Variants in STK17B observed in about 807,000 individuals in gnomAD.
STK17B encodes the protein serine/threonine kinase 17b.
Under a neutral mutation model 42.0 loss-of-function variants are expected in STK17B, and 21 were observed. The ratio of observed to expected loss-of-function variants is 0.50; its 90% CI spans 0.35 to 0.72. STK17B has a LOEUF of 0.72. STK17B is among the 30% of genes least tolerant of loss of function. STK17B has a pLI of 0.00. For synonymous variants in STK17B, 143 were observed against 148.4 expected, an observed-to-expected ratio of 0.96 and a Z score of 0.26; for missense variants, 349 against 446.0, an observed-to-expected ratio of 0.78 and a Z score of 1.96.
chr2:196,164,493 T>C (rs1456328581), intron 1 of STK17B, among the ~76,000 whole-genome samples: 1 of 152,220 alleles, frequency 6.6e-6, no homozygotes, highest in Non-Finnish European at 1.5e-5. Context: ...CAATAACAGA[T>C]ACTATATTTC....
chr2:196,169,320 CT>C (rs1699909389), intron 1 of STK17B, among the ~76,000 whole-genome samples: 1 of 152,122 alleles, frequency 6.6e-6, no homozygotes. Flanking sequence ...CCGCCTCGGC[CT>C]CCCAAAGTGC....
At chr2:196,145,223 T>C (rs1318083799) in intron 4 of STK17B, among the ~76,000 whole-genome samples, 1 of 151,746 alleles carries the variant, frequency 6.6e-6, no homozygotes, top group Admixed American at 6.6e-5. Context: ...AGGCCTGGGC[T>C]GTAGGTGGAG....
chr2:196,173,978 C>T (rs1424630482), upstream of STK17B, among the ~76,000 whole-genome samples: 2 of 152,078 alleles, frequency 1.3e-5, no homozygotes, highest in African/African-American at 2.4e-5. Flanking sequence ...AATTAGGACA[C>T]ATACAACACT....
At chr2:196,140,765 A>G (rs1308717962) in intron 6 of STK17B, among the ~76,000 whole-genome samples, 2 of 151,972 alleles carry the variant, frequency 1.3e-5, no homozygotes, top group Non-Finnish European at 2.9e-5. Flanking sequence ...GGGTTCTGCT[A>G]TGTTGGCCAG....
rs1190578299 is a variant in STK17B at position 196,137,185 on chromosome 2, TTTCA to T, written c.*258_*261del. ...GGTAAGTTCATTTGAAGTTGAATTATTTCATTAACATGTAAACTCACATGTACAA... is the reference window on the plus strand; with the variant it reads ...GGTAAGTTCATTTGAAGTTGAATTATTTAACATGTAAACTCACATGTACAA... On this transcript the variant is annotated 3_prime_UTR_variant, in exon 8 of 8. Transcript: ENST00000263955. 2.6e-6 allele frequency: 1 copy of T among 381,108 alleles called. No individual in the cohort carries two copies. Among genetic ancestry groups the T allele is most frequent in the Non-Finnish European group, 4.7e-6 (1 of 213,972 alleles). The allele number at this position is 381,108 out of a possible 1,614,324, so 23.6% of individuals were successfully genotyped here.
rs995003308 is a variant in STK17B, at chr2:196,135,396, C to G, written c.*2051G>C. 1 of 152,142 alleles carries G rather than the reference C, an allele frequency of 6.6e-6. No homozygotes were observed. Among genetic ancestry groups the G allele is most frequent in the Non-Finnish European group, 1.5e-5 (1 of 68,026 alleles). The allele number at this position is 152,142 out of a possible 1,614,324, so 9.4% of individuals were successfully genotyped here. ...TACAACGTCTAGTTTATTGGACCAA[C>G]AAACTACTTAAAGAATTTAAATGTC... On this transcript the variant is annotated 3_prime_UTR_variant, in exon 8 of 8. Coordinates refer to ENST00000263955, the MANE Select transcript of STK17B (RefSeq NM_004226.4).
At chr2:196,166,487 TAAA>T (rs34874858) in intron 1 of STK17B, among the ~76,000 whole-genome samples, 1 of 152,086 alleles carries the variant, frequency 6.6e-6, no homozygotes, top group Non-Finnish European at 1.5e-5. Context: ...TTATAGCATT[TAAA>T]AAAAATCTTA....
intron 7 of STK17B, among the ~76,000 whole-genome samples, 172 bp downstream of exon 7, chr2:196,139,448 T>C (rs1348940385): frequency 6.6e-6 from 1 of 152,226 alleles, no homozygotes. Context: ...TCTGAAGTTA[T>C]GTATTTGTTA....
intron 3 of STK17B, among the ~76,000 whole-genome samples, chr2:196,155,645 G>C (rs1299392097): frequency 2.0e-5 from 3 of 152,054 alleles, no homozygotes; most frequent in Non-Finnish European, 4.4e-5. Context: ...TGGCACCCAA[G>C]GTATACTAAA....
intron 5 of STK17B, among the ~76,000 whole-genome samples, chr2:196,143,245 T>C (rs963258344): frequency 6.6e-6 from 1 of 151,296 alleles, no homozygotes; most frequent in Admixed American, 6.6e-5. Context: ...AGTTTTTCTT[T>C]TTCCATTTTT....
upstream of STK17B, among the ~76,000 whole-genome samples, chr2:196,172,267 GA>G (rs1186700514): frequency 2.4e-5 from 2 of 84,602 alleles, no homozygotes; most frequent in African/African-American, 1.1e-4. Flanking sequence ...TAAGGAAAAA[GA>G]TGAAAGCCCT....
chr2:196,161,300 A>G (rs548252537), intron 2 of STK17B, among the ~76,000 whole-genome samples: 11,028 of 148,638 alleles, frequency 0.074, 744 homozygotes, highest in African/African-American at 0.19. Context: ...AGAAAAAAAG[A>G]AAAAAAAAAC....
intron 2 of STK17B, among the ~76,000 whole-genome samples, chr2:196,161,511 CTTTT>C (rs71009086): frequency 5.8e-5 from 4 of 69,522 alleles, no homozygotes; most frequent in African/African-American, 1.8e-4. Flanking sequence ...TATTATAATT[CTTTT>C]TTTTTTTTTT....
chr2:196,134,767 T>C lies in STK17B; in HGVS notation c.*2680A>G, dbSNP rs548276216. ...AATTTAACTTTAAATTATCACAACA[T>C]AACACTTATCTTCTCATGTGTTCAA... On this transcript the variant is annotated 3_prime_UTR_variant, in exon 8 of 8. Coordinates refer to ENST00000263955, the MANE Select transcript of STK17B (RefSeq NM_004226.4). 1 of 152,356 alleles carries C rather than the reference T, an allele frequency of 6.6e-6. No homozygotes were observed. Among genetic ancestry groups the C allele is most frequent in the African/African-American group, 2.4e-5 (1 of 41,590 alleles). 9.4% of individuals were successfully genotyped at this position (152,356 alleles called of 1,614,324 possible). A position where few individuals can be genotyped will look rare whatever the true frequency, so the allele number is the denominator to read the frequency against.
intron 3 of STK17B, among the ~76,000 whole-genome samples, chr2:196,149,110 T>C (rs914442125): frequency 6.6e-6 from 1 of 151,908 alleles, no homozygotes; most frequent in Non-Finnish European, 1.5e-5. Context: ...ATCGTTTCAA[T>C]AAATACTTAT....
rs1392337811 is a variant in STK17B at position 196,137,694 on chromosome 2, G to A, written c.872C>T (p.Ser291Phe). 28 of 1,613,870 alleles carry A rather than the reference G, an allele frequency of 1.7e-5. No individual in the cohort carries two copies. The Admixed American group carries it at 4.5e-4, about 26-fold the overall frequency. The change falls in exon 8 of 8, where the codon TCT becomes TTT. Residue 291 changes from serine to phenylalanine, a missense_variant. Coordinates refer to ENST00000263955, the MANE Select transcript of STK17B (RefSeq NM_004226.4). ...TTCAAAGTCCCACTGCTGTAGCCAA[G>A]AATGAGAAAGGCATATCTCTGCTGT... ...RPTAEICLSH[S>F]WLQQWDFENL...
At chr2:196,170,118 T>C (rs1039480463) in intron 1 of STK17B, among the ~76,000 whole-genome samples, 2 of 152,208 alleles carry the variant, frequency 1.3e-5, no homozygotes, top group African/African-American at 4.8e-5. Flanking sequence ...TAAGCACTTG[T>C]TGAAAATTAC....
intron 2 of STK17B, among the ~76,000 whole-genome samples, chr2:196,162,238 T>C (rs1175015695): frequency 1.3e-5 from 2 of 152,216 alleles, no homozygotes; most frequent in Non-Finnish European, 2.9e-5. Context: ...CATAATATCA[T>C]GTCACTCCTT....
chr2:196,162,415 T>C (rs1699823283), intron 2 of STK17B, among the ~76,000 whole-genome samples: 1 of 123,166 alleles, frequency 8.1e-6, no homozygotes. Flanking sequence ...CTTCTTCTTC[T>C]TTTTTTTTTT....
Sources: gnomAD v4.1 joint callset for allele counts (sites outside exome capture counted in the v4.1 genomes callset) on GRCh38, gnomAD v4.1.1 for gene constraint, MANE v1.5 for transcripts, NCBI Gene and HGNC (gene_info 2026-07-23, HGNC 2026-07-21) for gene names.